Variants in GABRB3 observed in about 807,000 individuals in gnomAD.
The protein encoded by GABRB3 is gamma-aminobutyric acid receptor subunit beta-3.
In GABRB3, 14 loss-of-function variants were observed where a neutral mutation model predicts 52.1. The ratio of observed to expected loss-of-function variants is 0.27; its 90% CI spans 0.18 to 0.42. The LOEUF (loss-of-function observed/expected upper bound fraction) is 0.42. Ranked by LOEUF, GABRB3 falls within the 10% of genes least tolerant of loss-of-function variation. The pLI, the probability that GABRB3 is intolerant of heterozygous loss-of-function variation, is 1.00. For missense variants in GABRB3, 307 were observed against 609.1 expected (o/e 0.50, Z 5.22); for synonymous variants, 260 against 232.3 (o/e 1.12, Z -1.08).
chr15:26,646,548 A>G (rs1420122307), intron 3 of GABRB3, among the ~76,000 whole-genome samples: 1 of 152,118 alleles, frequency 6.6e-6, no homozygotes, highest in East Asian at 1.9e-4. Flanking sequence ...TGTGTGGGAT[A>G]GTGTTCTCAT....
intron 3 of GABRB3, among the ~76,000 whole-genome samples, chr15:26,702,049 A>G (rs1888953250): frequency 1.3e-5 from 2 of 152,190 alleles, no homozygotes. Context: ...CATACCCCAA[A>G]AAGAACTTCA....
At chr15:26,760,809 G>GCACGCACA (rs1555383021) in intron 3 of GABRB3, among the ~76,000 whole-genome samples, 3 of 149,286 alleles carry the variant, frequency 2.0e-5, no homozygotes, top group African/African-American at 5.0e-5. Flanking sequence ...ACACGCGCAC[G>GCACGCACA]CACACACACA....
Position 26,643,622 on chromosome 15 carries a change from CTGTG to C in GABRB3, c.241-22092_241-22089del, listed in dbSNP as rs57144395. Among the ~76,000 whole-genome samples the C allele has an allele frequency of 8.3e-3, 1,246 of 149,446 alleles. 16 individuals are homozygous for C. The highest frequency in any genetic ancestry group is 0.026 in the African/African-American group (1,042 of 40,778). ...AACATGCACCCCAGCTTTCATGACA[CTGTG>C]TGTGTGTGTGTGTGTGTGTGTGGGT... On this transcript the variant is annotated intron_variant, in intron 3 of 8. Transcript: ENST00000311550.
At chr15:26,627,838 G>C (rs1003812369) in intron 3 of GABRB3, among the ~76,000 whole-genome samples, 1 of 152,224 alleles carries the variant, frequency 6.6e-6, no homozygotes, top group African/African-American at 2.4e-5. Context: ...GGCAGGGTTT[G>C]AGAGGACTGA....
intron 3 of GABRB3, among the ~76,000 whole-genome samples, chr15:26,721,602 C>G (rs929353886): frequency 1.3e-5 from 2 of 151,688 alleles, no homozygotes; most frequent in African/African-American, 4.8e-5. Flanking sequence ...TTGTTTTTCT[C>G]TTGTTGATCT....
At chr15:26,626,639 C>T (rs999578093) in intron 3 of GABRB3, among the ~76,000 whole-genome samples, 4 of 152,200 alleles carry the variant, frequency 2.6e-5, no homozygotes, top group Non-Finnish European at 5.9e-5. Context: ...CCAGCCATAA[C>T]GTTCCCTTAA....
intron 3 of GABRB3, among the ~76,000 whole-genome samples, chr15:26,757,189 C>T (rs1041405223): frequency 6.6e-6 from 1 of 152,098 alleles, no homozygotes; most frequent in African/African-American, 2.4e-5. Context: ...ATTCGTATCC[C>T]ACCGTGGTTC....
chr15:26,711,729 ACTTTC>A (rs767820553), intron 3 of GABRB3, among the ~76,000 whole-genome samples: 2 of 152,210 alleles, frequency 1.3e-5, no homozygotes, highest in Non-Finnish European at 2.9e-5. Flanking sequence ...ATGGAAGAAG[ACTTTC>A]CTTTCTTACA....
chr15:26,722,676 C>T (rs2140142514), intron 3 of GABRB3, among the ~76,000 whole-genome samples: 1 of 152,274 alleles, frequency 6.6e-6, no homozygotes, highest in Non-Finnish European at 1.5e-5. Context: ...AAACCAAGGC[C>T]CAAGGCAAAG....
chr15:26,754,680 T>C (rs1007924021), intron 3 of GABRB3, among the ~76,000 whole-genome samples: 1 of 152,164 alleles, frequency 6.6e-6, no homozygotes, highest in South Asian at 2.1e-4. Flanking sequence ...AGTAAACTAA[T>C]GGTTCACTAA....
intron 3 of GABRB3, among the ~76,000 whole-genome samples, chr15:26,691,932 A>AT (rs1302829444): frequency 1.3e-5 from 2 of 152,348 alleles, no homozygotes; most frequent in East Asian, 3.9e-4. Flanking sequence ...TGTATCTATT[A>AT]TAACTAACCT....
intron 8 of GABRB3, among the ~76,000 whole-genome samples, chr15:26,558,819 C>G (rs751891632): frequency 2.0e-5 from 3 of 149,380 alleles, no homozygotes; most frequent in Non-Finnish European, 4.4e-5. Flanking sequence ...GCCTGGGCAA[C>G]AAGAGCGAAA....
At chr15:26,658,005 C>T (rs1887426918) in intron 3 of GABRB3, among the ~76,000 whole-genome samples, 1 of 152,164 alleles carries the variant, frequency 6.6e-6, no homozygotes, top group Admixed American at 6.5e-5. Context: ...AGCCAGAGGC[C>T]ACAAGGTTCC....
intron 3 of GABRB3, among the ~76,000 whole-genome samples, chr15:26,651,523 G>A (rs1347298644): frequency 2.0e-5 from 3 of 152,224 alleles, no homozygotes; most frequent in African/African-American, 7.2e-5. Flanking sequence ...GTTTCTGACT[G>A]AGGAAAAATC....
At chr15:26,612,435 C>A (rs1171026481) in intron 4 of GABRB3, 1 of 152,008 alleles carries the variant, frequency 6.6e-6, no homozygotes, top group Non-Finnish European at 1.5e-5. Flanking sequence ...ACAAATTGAC[C>A]ATGAGCCTTC....
intron 3 of GABRB3, chr15:26,624,087 G>T: frequency 1.9e-6 from 1 of 525,328 alleles, no homozygotes; most frequent in African/African-American, 2.1e-5. Flanking sequence ...CCGAGGAGTG[G>T]ACAGTGCTGA....
At chr15:26,764,168 AAAAAAAAAAAAATATATATATAT>A (rs1890911637) in intron 3 of GABRB3, among the ~76,000 whole-genome samples, 1 of 25,394 alleles carries the variant, frequency 3.9e-5, no homozygotes, top group East Asian at 1.9e-3. Flanking sequence ...AAAAAAAAAA[AAAAAAAAAAAAATATATATATAT>A]ATATATATAT....
At chr15:26,653,326 T>G (rs1595510237) in intron 3 of GABRB3, among the ~76,000 whole-genome samples, 1 of 152,290 alleles carries the variant, frequency 6.6e-6, no homozygotes, top group South Asian at 2.1e-4. Context: ...AACCTAAGAT[T>G]GGTGTTCAAG....
At chr15:26,691,135 A>G (rs1243536861) in intron 3 of GABRB3, among the ~76,000 whole-genome samples, 2 of 151,898 alleles carry the variant, frequency 1.3e-5, no homozygotes, top group African/African-American at 4.8e-5. Flanking sequence ...TGGTACTGAG[A>G]CACTGAGTCC....
Sources: gnomAD v4.1 joint callset for allele counts (sites outside exome capture counted in the v4.1 genomes callset) on GRCh38, gnomAD v4.1.1 for gene constraint, MANE v1.5 for transcripts, NCBI Gene and HGNC (gene_info 2026-07-23, HGNC 2026-07-21) for gene names.